GREB1: variants seen among roughly 807,000 people sequenced by gnomAD.
GREB1 encodes the protein protein GREB1.
In GREB1, 106 loss-of-function variants were observed where a neutral mutation model predicts 200.7. That is an observed-to-expected ratio of 0.53 (90% CI 0.45 to 0.62). GREB1 has a LOEUF of 0.62. GREB1 is among the 20% of genes least tolerant of loss of function. The pLI is 0.00. For missense variants in GREB1, 2,243 were observed against 2,556.8 expected, an observed-to-expected ratio of 0.88 and a Z score of 2.65; for synonymous variants, 1,132 against 1,092.4, an observed-to-expected ratio of 1.04 and a Z score of -0.72.
chr2:11,550,293 A>G (rs1370994879), intron 1 of GREB1, among the ~76,000 whole-genome samples: 1 of 152,224 alleles, frequency 6.6e-6, no homozygotes, highest in Non-Finnish European at 1.5e-5. Context: ...GTGATTGGAT[A>G]TGGATCTGTT....
At chr2:11,552,393 C>G (rs1386561522) in intron 1 of GREB1, among the ~76,000 whole-genome samples, 1 of 152,208 alleles carries the variant, frequency 6.6e-6, no homozygotes, top group South Asian at 2.1e-4. Context: ...AGGGCCAGCC[C>G]AGGGAAAGAA....
chr2:11,609,299 C>T (rs545558050), intron 17 of GREB1, among the ~76,000 whole-genome samples: 1 of 144,496 alleles, frequency 6.9e-6, no homozygotes, highest in African/African-American at 2.6e-5. Flanking sequence ...GAGTCTCGCT[C>T]TGTGGCCCAG....
intron 23 of GREB1, among the ~76,000 whole-genome samples, chr2:11,621,823 C>T (rs1177309416): frequency 2.0e-5 from 3 of 152,212 alleles, no homozygotes; most frequent in Admixed American, 6.5e-5. Context: ...GGCCTTCCCT[C>T]CCAGGAAAGG....
intron 26 of GREB1, 60 bp downstream of exon 26, chr2:11,630,169 G>C: frequency 6.5e-7 from 1 of 1,540,470 alleles, no homozygotes; most frequent in Non-Finnish European, 8.9e-7. Flanking sequence ...GACTGAGCCG[G>C]GGACTAGAGA....
chr2:11,500,825 C>T (rs1673017468), intron 1 of GREB1, among the ~76,000 whole-genome samples: 1 of 152,150 alleles, frequency 6.6e-6, no homozygotes, highest in South Asian at 2.1e-4. Context: ...AGATTCCCAA[C>T]CAACTGCGGC....
At chr2:11,483,082 T>G (rs1296996823) in intron 1 of GREB1, among the ~76,000 whole-genome samples, 1 of 151,832 alleles carries the variant, frequency 6.6e-6, no homozygotes, top group East Asian at 1.9e-4. Flanking sequence ...ACGCGGGCAC[T>G]TCCTGGCCCT....
chr2:11,639,427 T>A (rs1252082554), intron 32 of GREB1, among the ~76,000 whole-genome samples: 1 of 152,200 alleles, frequency 6.6e-6, no homozygotes, highest in Non-Finnish European at 1.5e-5. Context: ...CACATCGGTG[T>A]CCCAGTCGTT....
chr2:11,570,550 A>G lies in GREB1; in HGVS notation c.454+3894A>G, dbSNP rs1345677309. The stretch of plus-strand genomic sequence containing the variant: ...TTTTTTTTTTTAAAGCAATTGGTGC[A>G]TTTGTATCAAGATCCAGACAAGGGA... On this transcript the variant is annotated intron_variant, in intron 4 of 32. Transcript: ENST00000381486. 3.3e-5 allele frequency among the ~76,000 whole-genome samples: 5 copies of G among 151,526 alleles called. 1 individual carries two copies. Among genetic ancestry groups the G allele is most frequent in the African/African-American group, 2.4e-5 (1 of 41,268 alleles).
intron 10 of GREB1, chr2:11,591,389 C>G (rs781223522): frequency 1.4e-6 from 1 of 734,856 alleles, no homozygotes; most frequent in East Asian, 2.5e-5. Flanking sequence ...GACGCACTTT[C>G]TTCCAGCACA....
At chr2:11,486,262 C>CT (rs1175427013) in intron 1 of GREB1, among the ~76,000 whole-genome samples, 2 of 152,066 alleles carry the variant, frequency 1.3e-5, no homozygotes, top group Non-Finnish European at 2.9e-5. Context: ...GTCTTGGAAT[C>CT]TATTGGTTCA....
At chr2:11,522,052 C>T (rs4669743) in intron 1 of GREB1, among the ~76,000 whole-genome samples, 95,910 of 152,066 alleles carry the variant, frequency 0.63, 32,191 homozygotes, top group South Asian at 0.84. Flanking sequence ...GCCTGGTAGA[C>T]GAAGAGGAGC....
intron 1 of GREB1, among the ~76,000 whole-genome samples, chr2:11,498,275 A>G (rs967079047): frequency 6.6e-6 from 1 of 151,988 alleles, no homozygotes; most frequent in Non-Finnish European, 1.5e-5. Context: ...TAATTTTTGT[A>G]AAAGGTTTAG....
chr2:11,596,691 T>G (rs1050368106), intron 13 of GREB1, among the ~76,000 whole-genome samples: 1,354 of 20,404 alleles, frequency 0.066, no homozygotes, highest in Non-Finnish European at 0.07. Flanking sequence ...AGTGAGGGGG[T>G]GGGGCACAGG....
chr2:11,519,357 C>T (rs990726486), intron 1 of GREB1, among the ~76,000 whole-genome samples: 2 of 150,526 alleles, frequency 1.3e-5, no homozygotes, highest in African/African-American at 2.5e-5. Context: ...TTTATTAGGT[C>T]TCTGTGAAGT....
At chr2:11,546,402 A>G (rs759465444) in intron 1 of GREB1, among the ~76,000 whole-genome samples, 31 of 152,198 alleles carry the variant, frequency 2.0e-4, no homozygotes, top group African/African-American at 2.7e-4. Context: ...TGTATACAAC[A>G]TATGTCCTTA....
intron 21 of GREB1, among the ~76,000 whole-genome samples, chr2:11,617,166 C>A (rs1302778948): frequency 6.6e-6 from 1 of 152,248 alleles, no homozygotes; most frequent in Non-Finnish European, 1.5e-5. Flanking sequence ...AGCTCATGAG[C>A]CTTCCGCGTA....
rs74736433 is a variant in GREB1 at position 11,492,037 on chromosome 2, C to A, written c.-159+9656C>A. On this transcript the variant is annotated intron_variant, in intron 1 of 2. Transcript: ENST00000628795. This position sits in a 1 kb window ranked among gnomAD's most constrained non-coding sequence, Gnocchi z 4.0. ...GACTAGTTCCCACTTCTTGGGACAG[C>A]TGCCCTTGGTGCTATTGATTTCACG... Among the ~76,000 whole-genome samples, 5,232 of 152,306 alleles carry A rather than the reference C, an allele frequency of 0.034. 303 individuals are homozygous for A. Among genetic ancestry groups the A allele is most frequent in the African/African-American group, 0.11 (4,722 of 41,560 alleles).
At chr2:11,510,366 C>T (rs2148447929) in intron 1 of GREB1, among the ~76,000 whole-genome samples, 1 of 152,264 alleles carries the variant, frequency 6.6e-6, no homozygotes, top group Admixed American at 6.5e-5. Context: ...CTTAAAATTC[C>T]CCCTTCAATC....
At chr2:11,519,447 T>C (rs867028293) in intron 1 of GREB1, among the ~76,000 whole-genome samples, 30 of 126,932 alleles carry the variant, frequency 2.4e-4, no homozygotes, top group African/African-American at 9.2e-4. Context: ...TTACTTGTTT[T>C]GGTTTTTTTT....
Sources: gnomAD v4.1 joint callset for allele counts (sites outside exome capture counted in the v4.1 genomes callset) on GRCh38, gnomAD v4.1.1 for gene constraint, Gnocchi (gnomAD v3.1) non-coding constraint, MANE v1.5 for transcripts, NCBI Gene and HGNC (gene_info 2026-07-23, HGNC 2026-07-21) for gene names.